Variants in KATNAL2 observed in about 807,000 individuals in gnomAD.
KATNAL2 encodes the protein katanin catalytic subunit A1 like 2, also known as katanin p60 ATPase-containing subunit A-like 2.
KATNAL2 carries 52 observed loss-of-function variants against 76.3 expected under a neutral mutation model. The observed-to-expected ratio is 0.68, with a 90% confidence interval of 0.55 to 0.86. The LOEUF (loss-of-function observed/expected upper bound fraction) is 0.86. Among genes scored for constraint, KATNAL2 ranks in the 40% least tolerant of loss-of-function variants. KATNAL2 has a pLI of 0.00. For missense variants in KATNAL2, 660 were observed against 668.9 expected, an observed-to-expected ratio of 0.99 and a Z score of 0.15; for synonymous variants, 243 against 244.2, an observed-to-expected ratio of 1.00 and a Z score of 0.05.
At chr18:46,926,603 G>A (rs1237417373) in intron 1 of KATNAL2, among the ~76,000 whole-genome samples, 12 of 152,088 alleles carry the variant, frequency 7.9e-5, no homozygotes, top group East Asian at 1.9e-4. Flanking sequence ...TATTAGGTCC[G>A]CTTGGTGCAG....
intron 15 of KATNAL2, among the ~76,000 whole-genome samples, chr18:47,086,484 T>G (rs559874562): frequency 6.6e-6 from 1 of 152,038 alleles, no homozygotes; most frequent in Non-Finnish European, 1.5e-5. Flanking sequence ...CCCAGCTAAT[T>G]TTTTGTATTT....
At chr18:47,098,374 G>A in intron 15 of KATNAL2, 1 of 218,398 alleles carries the variant, frequency 4.6e-6, no homozygotes, top group South Asian at 5.6e-5. Context: ...CTTATATGGT[G>A]GCAGCAAGAG....
intron 3 of KATNAL2, among the ~76,000 whole-genome samples, chr18:46,952,522 C>T (rs1286108474): frequency 1.3e-5 from 2 of 151,236 alleles, no homozygotes; most frequent in African/African-American, 2.4e-5. Context: ...GTCTCAGCCT[C>T]CCGAGTAGCT....
At chr18:47,031,365 G>T (rs1362360395) in intron 3 of KATNAL2, among the ~76,000 whole-genome samples, 2 of 152,026 alleles carry the variant, frequency 1.3e-5, no homozygotes, top group African/African-American at 4.8e-5. Context: ...TGCTGTCGTT[G>T]GCAGTTTCGC....
Position 47,069,595 on chromosome 18 carries a change from G to C in KATNAL2, c.1003G>C (p.Val335Leu), listed in dbSNP as rs200886050. The C allele has an allele frequency of 8.1e-5, 130 of 1,602,912 alleles. 1 individual carries two copies. In the Admixed American group the frequency reaches 8.6e-4, roughly 11 times the overall value. The change falls in exon 13 of 18, where the codon GTT becomes CTT. Residue 335 changes from valine (V) to leucine (L), a missense_variant. By Grantham distance (32) the Val-to-Leu change is conservative (BLOSUM62 1). Transcript: ENST00000683218. The stretch of plus-strand genomic sequence containing the variant: ...ATGGAGAGGGGATTCAGAAAAACTC[G>C]TTCGGGTAGGAATTCTTAATTTTGT... ...SKWRGDSEKL[V>L]RVLFELARYH...
At chr18:47,093,102 C>G (rs1009379352) in intron 15 of KATNAL2, among the ~76,000 whole-genome samples, 1 of 152,106 alleles carries the variant, frequency 6.6e-6, no homozygotes, top group African/African-American at 2.4e-5. Flanking sequence ...ATGATCCTTT[C>G]TTTGTTCTCC....
intron 10 of KATNAL2, among the ~76,000 whole-genome samples, chr18:47,066,415 C>G (rs914143928): frequency 6.6e-6 from 1 of 152,182 alleles, no homozygotes; most frequent in African/African-American, 2.4e-5. Context: ...AGGAGAAAAA[C>G]TGCACTTTCG....
chr18:47,066,888 T>TATATATATATATATATATATAACACAC, intron 10 of KATNAL2, 133 bp from the exon 11 acceptor site: 1 of 75,816 alleles, frequency 1.3e-5, no homozygotes, highest in Admixed American at 1.5e-4. Context: ...TATATATATA[T>TATATATATATATATATATATAACACAC]ATATAATATG....
At chr18:46,935,282 G>A (rs1414747674) in intron 1 of KATNAL2, among the ~76,000 whole-genome samples, 4 of 152,106 alleles carry the variant, frequency 2.6e-5, no homozygotes, top group Non-Finnish European at 5.9e-5. Context: ...ACTACTTAGG[G>A]CCGCAACACC....
intron 15 of KATNAL2, among the ~76,000 whole-genome samples, chr18:47,082,060 T>C (rs1185800857): frequency 6.6e-6 from 1 of 152,226 alleles, no homozygotes; most frequent in African/African-American, 2.4e-5. Flanking sequence ...TATCCCAATA[T>C]GTACAAATAC....
chr18:46,960,469 G>T (rs1450890234), intron 3 of KATNAL2, among the ~76,000 whole-genome samples: 1 of 151,926 alleles, frequency 6.6e-6, no homozygotes, highest in Non-Finnish European at 1.5e-5. Flanking sequence ...AAGATGAAGC[G>T]ATAGAGATTG....
intron 8 of KATNAL2, among the ~76,000 whole-genome samples, chr18:47,062,273 C>T (rs926086785): frequency 5.3e-5 from 8 of 151,770 alleles, no homozygotes; most frequent in Non-Finnish European, 8.8e-5. Flanking sequence ...AGTCCCAGCT[C>T]TTTGGGAGGC....
intron 3 of KATNAL2, among the ~76,000 whole-genome samples, chr18:46,955,140 C>CTCTCTTCCTTTCTTTCTTTCTT (rs1555834717): frequency 1.2e-5 from 1 of 85,020 alleles, no homozygotes; most frequent in Admixed American, 1.4e-4. Flanking sequence ...CTTTCTCTCT[C>CTCTCTTCCTTTCTTTCTTTCTT]TCTTTCTTTC....
At chr18:47,049,625 A>T (rs1273616392) in intron 4 of KATNAL2, among the ~76,000 whole-genome samples, 1 of 152,210 alleles carries the variant, frequency 6.6e-6, no homozygotes, top group African/African-American at 2.4e-5. Context: ...AGACCATCTG[A>T]TTTACTATGT....
chr18:47,092,502 CA>C (rs147838660), intron 15 of KATNAL2, among the ~76,000 whole-genome samples: 19 of 147,070 alleles, frequency 1.3e-4, no homozygotes, highest in East Asian at 2.0e-4. Context: ...GACTCCGTCT[CA>C]AAAAAAAAAA....
At chr18:47,033,618 C>T (rs762156495) in intron 3 of KATNAL2, 2 of 1,614,186 alleles carry the variant, frequency 1.2e-6, no homozygotes, top group African/African-American at 1.3e-5. Context: ...AGTAGGGGAC[C>T]TCTCCCACGT....
At chr18:47,078,222 G>A (rs2062333826) in intron 15 of KATNAL2, among the ~76,000 whole-genome samples, 1 of 152,114 alleles carries the variant, frequency 6.6e-6, no homozygotes. Flanking sequence ...GCTGGGACTT[G>A]TGACCTCATG....
At chr18:46,918,864 T>C (rs1283788151) in intron 1 of KATNAL2, among the ~76,000 whole-genome samples, 1 of 152,116 alleles carries the variant, frequency 6.6e-6, no homozygotes, top group African/African-American at 2.4e-5. Flanking sequence ...CTCACCCACA[T>C]CCCACATTTT....
chr18:47,063,462 TATTTATAA>T (rs1212966822), intron 10 of KATNAL2, 101 bp downstream of exon 10: 29 of 861,472 alleles, frequency 3.4e-5, no homozygotes, highest in Non-Finnish European at 4.9e-5. Context: ...TATGATCATT[TATTTATAA>T]AGTGCCCCCA....
Sources: allele counts gnomAD v4.1 joint callset (sites outside exome capture counted in the v4.1 genomes callset), GRCh38; gene constraint gnomAD v4.1.1; transcripts MANE v1.5; gene names NCBI Gene and HGNC (gene_info 2026-07-23, HGNC 2026-07-21).